RBFOX1: variants seen among roughly 807,000 people sequenced by gnomAD.
RBFOX1 encodes RNA binding fox-1 homolog 1, also known as RNA binding protein fox-1 homolog 1.
In RBFOX1, 8 loss-of-function variants were observed where a neutral mutation model predicts 57.7. The ratio of observed to expected loss-of-function variants is 0.14; its 90% CI spans 0.08 to 0.25. The LOEUF (loss-of-function observed/expected upper bound fraction) is 0.25, where lower values mean the gene tolerates loss of function less well. RBFOX1 is among the 10% of genes least tolerant of loss of function. RBFOX1 has a pLI of 1.00. For synonymous variants in RBFOX1, 326 were observed against 222.4 expected, an observed-to-expected ratio of 1.47 and a Z score of -4.15; for missense variants, 611 against 548.5, an observed-to-expected ratio of 1.11 and a Z score of -1.14.
intron 2 of RBFOX1, among the ~76,000 whole-genome samples, chr16:6,470,768 T>C (rs2095155785): frequency 1.3e-5 from 2 of 152,238 alleles, no homozygotes; most frequent in South Asian, 2.1e-4. Context: ...CTTGACTTTT[T>C]GGCTTCTTTT....
intron 4 of RBFOX1, among the ~76,000 whole-genome samples, chr16:7,070,353 A>AT (rs2057073036): frequency 6.6e-6 from 1 of 152,178 alleles, no homozygotes; most frequent in African/African-American, 2.4e-5. Context: ...TGGAGGCATG[A>AT]TTTTGGAAAA....
rs58727015 is a variant in RBFOX1, at chr16:7,680,745, T to A, written c.995+3907T>A. On this transcript the variant is annotated intron_variant, in intron 14 of 15. Coordinates refer to ENST00000550418, the MANE Select transcript of RBFOX1 (RefSeq NM_018723.4). ...TGAGGCCTTAAAGTTTCACTGCTAA[T>A]GTAGAGTTAGAAATTGCTACTTTTG... Among the ~76,000 whole-genome samples, 17 of 152,318 alleles carry A rather than the reference T, an allele frequency of 1.1e-4. No homozygotes were observed. The East Asian group carries it at 3.3e-3, about 29-fold the overall frequency.
intron 4 of RBFOX1, among the ~76,000 whole-genome samples, chr16:7,098,522 ATACTT>A (rs1358595876): frequency 6.6e-6 from 1 of 152,226 alleles, no homozygotes; most frequent in East Asian, 1.9e-4. Context: ...CAAAGATAGC[ATACTT>A]TACTTTATTG....
rs569475637 is a variant in RBFOX1 at position 6,537,952 on chromosome 16, A to G, written c.-63-116651A>G. Among the ~76,000 whole-genome samples the G allele has an allele frequency of 2.0e-5, 3 of 152,030 alleles. No individual in the cohort carries two copies. In the East Asian group the frequency reaches 5.8e-4, roughly 29 times the overall value. On this transcript the variant is annotated intron_variant, in intron 2 of 15. Coordinates refer to ENST00000550418, the MANE Select transcript of RBFOX1 (RefSeq NM_018723.4). The stretch of plus-strand genomic sequence containing the variant: ...GATTTTTTTTTTTAATAAAAAGGAT[A>G]TCCTAGGAACTCTACAGTGATTTGC...
chr16:6,660,800 C>A (rs566598149), intron 3 of RBFOX1, among the ~76,000 whole-genome samples: 2 of 152,090 alleles, frequency 1.3e-5, no homozygotes, highest in Non-Finnish European at 2.9e-5. Flanking sequence ...ACAGGCCTAC[C>A]ATGTCATTTA....
intron 4 of RBFOX1, among the ~76,000 whole-genome samples, chr16:7,443,296 T>C (rs964201778): frequency 1.3e-5 from 2 of 152,294 alleles, no homozygotes; most frequent in East Asian, 1.9e-4. Context: ...CTTAGAAGGT[T>C]ACAGAAAATG....
At chr16:6,537,242 A>G (rs1466285716) in intron 2 of RBFOX1, among the ~76,000 whole-genome samples, 1 of 152,130 alleles carries the variant, frequency 6.6e-6, no homozygotes, top group African/African-American at 2.4e-5. Flanking sequence ...GTTGTTCCTG[A>G]TGCCGGTTCG....
chr16:7,073,270 A>G (rs550538031), intron 4 of RBFOX1, among the ~76,000 whole-genome samples: 1 of 152,282 alleles, frequency 6.6e-6, no homozygotes, highest in East Asian at 1.9e-4. Flanking sequence ...GCAAAGCCTA[A>G]AATTTCTACT....
chr16:7,003,767 C>G (rs541229521), intron 3 of RBFOX1, among the ~76,000 whole-genome samples: 2 of 152,202 alleles, frequency 1.3e-5, no homozygotes, highest in East Asian at 3.9e-4. Flanking sequence ...CACATCAAGT[C>G]TAATTTTATT....
At chr16:7,506,202 A>T (rs2073236724) in intron 4 of RBFOX1, among the ~76,000 whole-genome samples, 1 of 143,232 alleles carries the variant, frequency 7.0e-6, no homozygotes, top group Admixed American at 6.7e-5. Context: ...AAAAAAAAAA[A>T]AAAAAAAAAA....
At chr16:6,619,584 A>T (rs2098195951) in intron 2 of RBFOX1, among the ~76,000 whole-genome samples, 1 of 152,090 alleles carries the variant, frequency 6.6e-6, no homozygotes, top group Non-Finnish European at 1.5e-5. Context: ...TTCTCATGAA[A>T]CCTATGCGTC....
chr16:6,641,300 G>A (rs1374814568), intron 2 of RBFOX1, among the ~76,000 whole-genome samples: 3 of 152,116 alleles, frequency 2.0e-5, no homozygotes, highest in South Asian at 2.1e-4. Flanking sequence ...GGACAGCATT[G>A]TAACACGGTT....
intron 4 of RBFOX1, among the ~76,000 whole-genome samples, chr16:5,965,312 C>G (rs994348061): frequency 6.6e-6 from 1 of 152,166 alleles, no homozygotes; most frequent in Non-Finnish European, 1.5e-5. Context: ...TTACCACAAG[C>G]AAACGTAGCT....
intron 2 of RBFOX1, among the ~76,000 whole-genome samples, chr16:6,347,645 C>G (rs768358503): frequency 9.2e-5 from 14 of 152,064 alleles, no homozygotes; most frequent in African/African-American, 3.1e-4. Context: ...TATCTTAGAG[C>G]AAGGAGAAAC....
At chr16:6,292,015 G>A (rs1411108385) in intron 1 of RBFOX1, among the ~76,000 whole-genome samples, 1 of 151,940 alleles carries the variant, frequency 6.6e-6, no homozygotes, top group Non-Finnish European at 1.5e-5. Context: ...TTGTACAGGA[G>A]TAAAAAAAAT....
At chr16:5,837,140 A>C (rs569244971) in intron 3 of RBFOX1, among the ~76,000 whole-genome samples, 8 of 151,648 alleles carry the variant, frequency 5.3e-5, no homozygotes, top group Admixed American at 1.3e-4. Flanking sequence ...GCTTCGCTCA[A>C]ATCCCCCTGG....
intron 2 of RBFOX1, among the ~76,000 whole-genome samples, chr16:6,380,322 C>T (rs998425887): frequency 6.8e-6 from 1 of 146,062 alleles, no homozygotes; most frequent in East Asian, 2.1e-4. Flanking sequence ...GTGGTGGAGG[C>T]AGCAAAGGGA....
chr16:5,459,203 T>C (rs1464426122), intron 1 of RBFOX1, among the ~76,000 whole-genome samples: 1 of 152,354 alleles, frequency 6.6e-6, no homozygotes, highest in African/African-American at 2.4e-5. Context: ...TGGACATGCA[T>C]TGGCATGTAA....
At chr16:7,504,964 C>T (rs907678798) in intron 4 of RBFOX1, among the ~76,000 whole-genome samples, 3 of 149,452 alleles carry the variant, frequency 2.0e-5, no homozygotes, top group Non-Finnish European at 2.9e-5. Flanking sequence ...CATGCCTTTC[C>T]AGCGCGAAAT....
Sources: gnomAD v4.1 joint callset for allele counts (sites outside exome capture counted in the v4.1 genomes callset) on GRCh38, gnomAD v4.1.1 for gene constraint, MANE v1.5 for transcripts, NCBI Gene and HGNC (gene_info 2026-07-23, HGNC 2026-07-21) for gene names.